Variants in PSMD5 observed in about 807,000 individuals in gnomAD.
PSMD5 encodes 26S proteasome non-ATPase regulatory subunit 5.
Under a neutral mutation model 52.1 loss-of-function variants are expected in PSMD5, and 40 were observed. That is an observed-to-expected ratio of 0.77 (90% CI 0.60 to 1.00). PSMD5 has a LOEUF of 1.00. PSMD5 is among the 50% of genes least tolerant of loss of function. PSMD5 has a pLI of 0.00. For missense variants in PSMD5, 575 were observed against 605.2 expected (o/e 0.95, Z 0.52); for synonymous variants, 211 against 226.6 (o/e 0.93, Z 0.62).
chr9:120,819,051 T>C (rs1588065325), intron 9 of PSMD5, among the ~76,000 whole-genome samples: 1 of 152,128 alleles, frequency 6.6e-6, no homozygotes, highest in Non-Finnish European at 1.5e-5. Context: ...TAAAAGGAAA[T>C]ACACCAAAAG....
At chr9:120,824,329 G>C in intron 7 of PSMD5, 165 bp downstream of exon 7, 1 of 650,268 alleles carries the variant, frequency 1.5e-6, no homozygotes, top group African/African-American at 1.9e-5. Context: ...AAGGTTTTCC[G>C]TAATAATTAT....
intron 1 of PSMD5, among the ~76,000 whole-genome samples, chr9:120,836,542 G>T (rs572913936): frequency 7.3e-5 from 11 of 151,710 alleles, no homozygotes; most frequent in Non-Finnish European, 1.2e-4. Flanking sequence ...GATCACAGGT[G>T]TCTGCCACCA....
chr9:120,834,597 G>A (rs971256051), intron 1 of PSMD5, among the ~76,000 whole-genome samples: 15 of 152,182 alleles, frequency 9.9e-5, no homozygotes, highest in African/African-American at 3.6e-4. Flanking sequence ...ATGGGAGAGA[G>A]GTGGTGAGAA....
rs781417211 is a variant in PSMD5 at position 120,842,890 on chromosome 9, G to C, written c.20C>G (p.Ala7Gly). Residue 7 changes from alanine to glycine, a missense_variant, in exon 1 of 10, where the codon GCG becomes GGG. Ala to Gly is a moderately conservative substitution (Grantham distance 60). Transcript: ENST00000210313. MAAQAL[A>G]LLREVARLEA... is the part of the protein sequence containing the mutation. The stretch of plus-strand genomic sequence containing the variant: ...CAGCCTCGCTACCTCTCTCAGCAGC[G>C]CCAAAGCCTGGGCTGCCATCTTGCC... 47 of 1,592,894 alleles carry C rather than the reference G, an allele frequency of 3.0e-5. No homozygotes were observed. Among genetic ancestry groups the C allele is most frequent in the Non-Finnish European group, 3.8e-5 (45 of 1,174,628 alleles).
rs182210349 is a variant in PSMD5 at position 120,819,562 on chromosome 9, C to T, written c.1257+1277G>A. 2.2e-3 allele frequency among the ~76,000 whole-genome samples: 333 copies of T among 152,278 alleles called. 1 individual carries two copies. The highest frequency in any genetic ancestry group is 2.1e-3 in the Non-Finnish European group (140 of 68,018). ...TTAAAGAAATGTTTCTGGCTAGGCG[C>T]GGTGGCTCACGCCTGTAATCCCAGC... On this transcript the variant is annotated intron_variant, in intron 9 of 9. Coordinates refer to ENST00000210313, the MANE Select transcript of PSMD5 (RefSeq NM_005047.4).
At chr9:120,821,205 T>C in intron 8 of PSMD5, 150 bp downstream of exon 8, 1 of 700,040 alleles carries the variant, frequency 1.4e-6, no homozygotes, top group Admixed American at 3.2e-5. Context: ...TCTAACACTC[T>C]ATGATTCCAT....
At chr9:120,837,383 C>G (rs2045205845) in intron 1 of PSMD5, among the ~76,000 whole-genome samples, 1 of 152,034 alleles carries the variant, frequency 6.6e-6, no homozygotes, top group Admixed American at 6.6e-5. Flanking sequence ...TTTTTTTAGA[C>G]AAGCTCTCTC....
In PSMD5 at chr9:120,817,962, C is replaced by T. The variant is rs1173384068; in HGVS notation, c.1459G>A (p.Glu487Lys). 27 of 1,614,222 alleles carry T rather than the reference C, an allele frequency of 1.7e-5. No homozygotes were observed. Among genetic ancestry groups the T allele is most frequent in the Non-Finnish European group, 2.0e-5 (24 of 1,180,036 alleles). ...ACAGGTTTCACATAGTATGGCCCTT[C>T]ACTCAGGTAAGTTCTGAGCCTCAAA... ...NYLRLRTYLS[E>K]GPYYVKPVST... The change falls in exon 10 of 10, where the codon GAA (glutamate) becomes AAA (lysine). Residue 487 changes from glutamate (E) to lysine (K), a missense_variant. By Grantham distance (56) the Glu-to-Lys change is moderately conservative. Transcript: ENST00000210313.
At chr9:120,836,941 G>A (rs2045202104) in intron 1 of PSMD5, among the ~76,000 whole-genome samples, 2 of 148,006 alleles carry the variant, frequency 1.4e-5, no homozygotes, top group Non-Finnish European at 3.0e-5. Flanking sequence ...CCAGGCTAGA[G>A]TGCAGTGGTG....
intron 1 of PSMD5, among the ~76,000 whole-genome samples, chr9:120,838,572 T>C (rs1233844526): frequency 6.6e-6 from 1 of 152,204 alleles, no homozygotes; most frequent in Non-Finnish European, 1.5e-5. Context: ...ATCCAGAGAA[T>C]TATTCCCACA....
intron 5 of PSMD5, among the ~76,000 whole-genome samples, chr9:120,827,198 G>T (rs1472200373): frequency 1.3e-5 from 2 of 152,130 alleles, no homozygotes; most frequent in Non-Finnish European, 2.9e-5. Context: ...TTCTAAATTT[G>T]TGTTTTATTT....
intron 1 of PSMD5, among the ~76,000 whole-genome samples, chr9:120,839,137 G>A (rs1316752879): frequency 6.6e-6 from 1 of 152,200 alleles, no homozygotes; most frequent in African/African-American, 2.4e-5. Flanking sequence ...AGTTAGAAAG[G>A]CTGGTATGAG....
At chr9:120,829,049 C>A in intron 5 of PSMD5, 50 bp downstream of exon 5, 1 of 1,491,552 alleles carries the variant, frequency 6.7e-7, no homozygotes, top group Non-Finnish European at 9.0e-7. Flanking sequence ...AAGGTTGTTT[C>A]CCAGCCCTTC....
chr9:120,841,061 T>C (rs1302352763), intron 1 of PSMD5, among the ~76,000 whole-genome samples: 1 of 152,052 alleles, frequency 6.6e-6, no homozygotes, highest in Non-Finnish European at 1.5e-5. Context: ...CTACAAAGTG[T>C]TTTTAATCAA....
intron 6 of PSMD5, among the ~76,000 whole-genome samples, chr9:120,825,139 TAA>T (rs1477496810): frequency 6.6e-6 from 1 of 152,162 alleles, no homozygotes; most frequent in African/African-American, 2.4e-5. Context: ...CTACAACAGA[TAA>T]AGACTCCCAC....
At chr9:120,825,030 A>C (rs1211747595) in intron 6 of PSMD5, 1 of 169,602 alleles carries the variant, frequency 5.9e-6, no homozygotes, top group Non-Finnish European at 1.3e-5. Context: ...TTAATAAAAT[A>C]AGCTAGGCTA....
In PSMD5 at chr9:120,842,718, G is replaced by A. The variant is rs748084764; in HGVS notation, c.173+19C>T. 179 of 1,612,594 alleles carry A rather than the reference G, an allele frequency of 1.1e-4. No homozygotes were observed. Among genetic ancestry groups the A allele is most frequent in the Non-Finnish European group, 1.5e-4 (173 of 1,179,878 alleles). On this transcript the variant is annotated intron_variant, in intron 1 of 9. Coordinates refer to ENST00000210313, the MANE Select transcript of PSMD5 (RefSeq NM_005047.4). ...AGGGGTGCCCCTCTCCTCGGCTCAA[G>A]CCCCCGGGGTCCTCTCACCTATGGT...
intron 1 of PSMD5, among the ~76,000 whole-genome samples, chr9:120,834,494 T>G (rs2045185192): frequency 6.6e-6 from 1 of 151,958 alleles, no homozygotes; most frequent in South Asian, 2.1e-4. Flanking sequence ...GTGTTCTAGG[T>G]AGAGGGAGTA....
At chr9:120,833,562 C>G in intron 1 of PSMD5, 106 bp from the exon 2 acceptor site, 1 of 1,169,474 alleles carries the variant, frequency 8.6e-7, no homozygotes, top group Non-Finnish European at 1.2e-6. Flanking sequence ...ACACAGACTT[C>G]TTTTTGAAAC....
Sources: gnomAD v4.1 joint callset for allele counts (sites outside exome capture counted in the v4.1 genomes callset) on GRCh38, gnomAD v4.1.1 for gene constraint, MANE v1.5 for transcripts, NCBI Gene and HGNC (gene_info 2026-07-23, HGNC 2026-07-21) for gene names.